The following VIPR2 variants were observed in gnomAD, a reference collection of about 807,000 sequenced individuals.
VIPR2 encodes the protein vasoactive intestinal peptide receptor 2.
Under a neutral mutation model 58.0 loss-of-function variants are expected in VIPR2, and 48 were observed. The ratio of observed to expected loss-of-function variants is 0.83; its 90% CI spans 0.66 to 1.05. The LOEUF (loss-of-function observed/expected upper bound fraction) is 1.05, where lower values mean the gene tolerates loss of function less well. VIPR2 is among the 50% of genes least tolerant of loss of function. VIPR2 has a pLI of 0.00. For missense variants in VIPR2, 534 were observed against 558.0 expected (o/e 0.96, Z 0.43); for synonymous variants, 243 against 235.2 (o/e 1.03, Z -0.30).
At chr7:159,079,266 CTG>C (rs1425528602) in intron 4 of VIPR2, among the ~76,000 whole-genome samples, 7 of 152,172 alleles carry the variant, frequency 4.6e-5, no homozygotes, top group Admixed American at 2.0e-4. Flanking sequence ...TTATAACAAA[CTG>C]TCTCTCAGAC....
chr7:159,043,001 A>G, intron 6 of VIPR2, 34 bp downstream of exon 6: 1 of 1,608,792 alleles, frequency 6.2e-7, no homozygotes, highest in Non-Finnish European at 8.5e-7. Context: ...TAAAGGGACA[A>G]GACAGTGGGA....
In VIPR2 at chr7:159,031,754, C is replaced by T. The variant is rs10133; in HGVS notation, c.1143+74G>A. On this transcript the variant is annotated intron_variant, in intron 12 of 12. Coordinates refer to ENST00000262178, the MANE Select transcript of VIPR2 (RefSeq NM_003382.5). The surrounding 1 kb of genome is among the most constrained non-coding windows in gnomAD (Gnocchi z 4.0). ...GGAAGACAGGCATGTGTGGGGGCTG[C>T]GGCACCAGGCTGGGCAGCATCTCAG... The T allele has an allele frequency of 5.3e-5, 85 of 1,609,630 alleles. No homozygotes were observed. Among genetic ancestry groups the T allele is most frequent in the Non-Finnish European group, 6.8e-5 (80 of 1,179,046 alleles).
In VIPR2 at chr7:159,097,295, T is replaced by C. The variant is rs1468894492; in HGVS notation, c.357+6462A>G. Reference sequence around the variant, plus strand: ...GGGATGTGGCGTAACACGGAAGAAATGTGTGCACTTGAAGCATGGGGAGGC... The same window carrying C: ...GGGATGTGGCGTAACACGGAAGAAACGTGTGCACTTGAAGCATGGGGAGGC... On this transcript the variant is annotated intron_variant, in intron 4 of 12. Coordinates refer to ENST00000262178, the MANE Select transcript of VIPR2 (RefSeq NM_003382.5). The surrounding 1 kb of genome is among the most constrained non-coding windows in gnomAD (Gnocchi z 5.3). 2 of 1,329,620 alleles carry C rather than the reference T, an allele frequency of 1.5e-6. No individual in the cohort carries two copies. Among genetic ancestry groups the C allele is most frequent in the East Asian group, 5.3e-5 (2 of 37,678 alleles). The allele number at this position is 1,329,620 out of a possible 1,614,324, so 82.4% of individuals were successfully genotyped here.
rs757809723 is a variant in VIPR2, at chr7:159,058,482, TG to T, written c.453del (p.Phe151LeufsTer13). 1.9e-6 allele frequency: 3 copies of T among 1,611,896 alleles called. No individual in the cohort carries two copies. Among genetic ancestry groups the T allele is most frequent in the Non-Finnish European group, 1.7e-6 (2 of 1,178,112 alleles). ...LATGSIILCL[F>X]RKLHCTRNYI... ...GAATTACTAATTTCTGCTCCTTACC[TG>T]AAGAGGCACAGAATTATGCTTCCTG... On this transcript the variant is annotated frameshift_variant and splice_region_variant, in exon 5 of 13. Coordinates refer to ENST00000262178, the MANE Select transcript of VIPR2 (RefSeq NM_003382.5). LOFTEE classifies it high-confidence loss of function.
intron 5 of VIPR2, among the ~76,000 whole-genome samples, chr7:159,055,146 T>C (rs1273225621): frequency 1.3e-5 from 2 of 152,158 alleles, no homozygotes; most frequent in Non-Finnish European, 2.9e-5. Flanking sequence ...AAATAAAACA[T>C]GGTAACTCCA....
At chr7:159,091,174 T>C (rs1359284265) in intron 4 of VIPR2, among the ~76,000 whole-genome samples, 3 of 152,238 alleles carry the variant, frequency 2.0e-5, no homozygotes, top group Non-Finnish European at 2.9e-5. Flanking sequence ...AGGAGCTCCG[T>C]AGAAGCATCG....
chr7:159,031,721 G>A lies in VIPR2; in HGVS notation c.1143+107C>T. On this transcript the variant is annotated intron_variant, in intron 12 of 12. Transcript: ENST00000262178. The surrounding 1 kb of genome is among the most constrained non-coding windows in gnomAD (Gnocchi z 4.0). ...ACTGTGGGGTCCCGGGCAGTAACTC[G>A]AGCCCGCGGAAGACAGGCATGTGTG... The A allele has an allele frequency of 6.3e-7, 1 of 1,588,802 alleles. No individual in the cohort carries two copies. The highest frequency in any genetic ancestry group is 1.7e-5 in the Admixed American group (1 of 58,694).
rs1451368869 is a variant in VIPR2, at chr7:159,067,452, C to T, written c.358-8874G>A. 3.3e-5 allele frequency among the ~76,000 whole-genome samples: 5 copies of T among 152,342 alleles called. No individual in the cohort carries two copies. In the East Asian group the frequency reaches 9.6e-4, roughly 29 times the overall value. On this transcript the variant is annotated intron_variant, in intron 4 of 12. Transcript: ENST00000262178. ...ACCTTTCCACCAACGGCCCAGAACCCAGCGTGCATGAGGAGCTGGCGCCGG... is the reference window on the plus strand; with the variant it reads ...ACCTTTCCACCAACGGCCCAGAACCTAGCGTGCATGAGGAGCTGGCGCCGG...
intron 4 of VIPR2, among the ~76,000 whole-genome samples, chr7:159,102,967 G>T (rs1002459030): frequency 1.1e-4 from 16 of 152,226 alleles, no homozygotes; most frequent in Non-Finnish European, 1.8e-4. Flanking sequence ...AGGGCTGCCG[G>T]CAAGGATGGA....
At chr7:159,143,815 C>A (rs973640315) in intron 1 of VIPR2, among the ~76,000 whole-genome samples, 1 of 152,288 alleles carries the variant, frequency 6.6e-6, no homozygotes, top group Non-Finnish European at 1.5e-5. Flanking sequence ...GCAGCATTAA[C>A]CGTGATAAAA....
intron 2 of VIPR2, among the ~76,000 whole-genome samples, chr7:159,139,870 C>T (rs867919346): frequency 9.9e-5 from 15 of 152,268 alleles, no homozygotes; most frequent in African/African-American, 3.1e-4. Flanking sequence ...CTTCCACCTG[C>T]GAGTTGGCAT....
At chr7:159,126,644 C>T (rs897975495) in intron 2 of VIPR2, among the ~76,000 whole-genome samples, 3 of 152,100 alleles carry the variant, frequency 2.0e-5, no homozygotes, top group African/African-American at 4.8e-5. Context: ...TAGCTGCAGC[C>T]GAGAGCTGAG....
rs1006404776 is a variant in VIPR2 at position 159,056,880 on chromosome 7, T to G, written c.455+1601A>C. On this transcript the variant is annotated intron_variant, in intron 5 of 12. Transcript: ENST00000262178. ...GTGGGATGAGCCCCAAGCCTAGAGC[T>G]GCACACCAGCTCTGGACACTATGTG... is the stretch of plus-strand genomic sequence containing the variant. 9.9e-5 allele frequency among the ~76,000 whole-genome samples: 15 copies of G among 152,204 alleles called. 1 individual carries two copies. The highest frequency in any genetic ancestry group is 3.6e-4 in the African/African-American group (15 of 41,464).
At chr7:159,123,838 G>A (rs555175046) in intron 2 of VIPR2, among the ~76,000 whole-genome samples, 76 of 152,268 alleles carry the variant, frequency 5.0e-4, no homozygotes, top group Middle Eastern at 3.4e-3. Context: ...TTTAACAAGA[G>A]CCATTCTGAC....
chr7:159,136,233 T>C (rs1224426861), intron 2 of VIPR2, among the ~76,000 whole-genome samples: 1 of 152,054 alleles, frequency 6.6e-6, no homozygotes, highest in Non-Finnish European at 1.5e-5. Flanking sequence ...CATCGTGTAG[T>C]GAGGGGGCTG....
intron 4 of VIPR2, among the ~76,000 whole-genome samples, chr7:159,092,208 G>A (rs1445824172): frequency 6.6e-6 from 1 of 152,208 alleles, no homozygotes; most frequent in Middle Eastern, 3.2e-3. Context: ...GGCTGAGCCT[G>A]TTTTAAGCAA....
chr7:159,106,081 C>T (rs1011643615), intron 3 of VIPR2, among the ~76,000 whole-genome samples: 4 of 152,162 alleles, frequency 2.6e-5, no homozygotes, highest in African/African-American at 9.6e-5. Flanking sequence ...CACCTGACAG[C>T]CTGGCTCTCA....
chr7:159,074,711 G>A (rs1856556378), intron 4 of VIPR2, among the ~76,000 whole-genome samples: 1 of 152,110 alleles, frequency 6.6e-6, no homozygotes, highest in South Asian at 2.1e-4. Flanking sequence ...TTTCTGGCTG[G>A]GAGCAGTGGC....
chr7:159,119,070 C>A (rs1281052690), intron 2 of VIPR2, among the ~76,000 whole-genome samples: 2 of 152,188 alleles, frequency 1.3e-5, no homozygotes, highest in African/African-American at 4.8e-5. Flanking sequence ...CCAAGTGTAC[C>A]CAGGGCTGAG....
Sources: gnomAD v4.1 joint callset for allele counts (sites outside exome capture counted in the v4.1 genomes callset) on GRCh38, gnomAD v4.1.1 for gene constraint, Gnocchi (gnomAD v3.1) non-coding constraint, MANE v1.5 for transcripts, NCBI Gene and HGNC (gene_info 2026-07-23, HGNC 2026-07-21) for gene names.